The following DOK6 variants were observed in gnomAD, a reference collection of about 807,000 sequenced individuals.
DOK6 encodes docking protein 6, also known as downstream of tyrosine kinase 6.
DOK6 carries 22 observed loss-of-function variants against 44.0 expected under a neutral mutation model. The ratio of observed to expected loss-of-function variants is 0.50; its 90% CI spans 0.36 to 0.71. DOK6 has a LOEUF of 0.71. Ranked by LOEUF, DOK6 falls within the 30% of genes least tolerant of loss-of-function variation. The pLI, the probability that DOK6 is intolerant of heterozygous loss-of-function variation, is 0.00. For missense variants in DOK6, 340 were observed against 416.4 expected (o/e 0.82, Z 1.60); for synonymous variants, 166 against 145.5 (o/e 1.14, Z -1.01).
At position 69,847,618 on chromosome 18, in the gene DOK6, G is replaced by A. The variant is rs1448063823; in HGVS notation, c.*6235G>A. Reference sequence around the variant, plus strand: ...ATTTTACAGAGGGACTGAAAGCCAGGGAAAATAAAGAACAGAATGATAGTA... The same window carrying A: ...ATTTTACAGAGGGACTGAAAGCCAGAGAAAATAAAGAACAGAATGATAGTA... On this transcript the variant is annotated 3_prime_UTR_variant, in exon 8 of 8. Transcript: ENST00000382713. The A allele has an allele frequency of 2.0e-5, 3 of 151,798 alleles. No homozygotes were observed. The highest frequency in any genetic ancestry group is 2.9e-5 in the Non-Finnish European group (2 of 67,962). The allele number at this position is 151,798 out of a possible 1,614,324, so 9.4% of individuals were successfully genotyped here.
At chr18:69,497,982 C>T (rs1313373281) in intron 1 of DOK6, among the ~76,000 whole-genome samples, 1 of 138,892 alleles carries the variant, frequency 7.2e-6, no homozygotes, top group East Asian at 2.0e-4. Context: ...AGAGCTAGAC[C>T]TTGTCTCCAA....
intron 3 of DOK6, among the ~76,000 whole-genome samples, chr18:69,657,815 A>G (rs537870221): frequency 1.3e-5 from 2 of 152,328 alleles, no homozygotes; most frequent in Non-Finnish European, 2.9e-5. Flanking sequence ...GCGTTCTACC[A>G]GACCTAAGAC....
intron 3 of DOK6, chr18:69,647,683 G>C (rs1985119103): frequency 6.6e-6 from 1 of 152,172 alleles, no homozygotes; most frequent in African/African-American, 2.4e-5. Context: ...ATAAACTTTA[G>C]AGCAGAATGT....
At chr18:69,598,506 C>G (rs1983799101) in intron 2 of DOK6, among the ~76,000 whole-genome samples, 1 of 151,936 alleles carries the variant, frequency 6.6e-6, no homozygotes, top group Admixed American at 6.6e-5. Flanking sequence ...CTAGTTAATC[C>G]TGTCTTCTTT....
intron 5 of DOK6, among the ~76,000 whole-genome samples, chr18:69,727,831 A>G (rs1349461494): frequency 6.6e-6 from 1 of 152,204 alleles, no homozygotes; most frequent in Non-Finnish European, 1.5e-5. Context: ...GGAAGGGGAT[A>G]ATTATAGCTT....
Position 69,594,600 on chromosome 18 carries a change from A to AG in DOK6, c.175-4784_175-4783insG, listed in dbSNP as rs200384909. ...CCAGAGCAAACAGGCAAAAAAAAAA[A>AG]AAAGAAAGAAGAAATAAAAGGCATC... is the stretch of plus-strand genomic sequence containing the variant. On this transcript the variant is annotated intron_variant, in intron 2 of 7. Transcript: ENST00000382713. Among the ~76,000 whole-genome samples, 826 of 151,934 alleles carry AG rather than the reference A, an allele frequency of 5.4e-3. 11 individuals are homozygous for AG. Among genetic ancestry groups the AG allele is most frequent in the African/African-American group, 0.019 (790 of 41,516 alleles).
chr18:69,782,210 ATT>A (rs10712475), intron 7 of DOK6, among the ~76,000 whole-genome samples: 5,925 of 109,132 alleles, frequency 0.054, 109 homozygotes, highest in Non-Finnish European at 0.068. Context: ...GTGTTCTAAG[ATT>A]TTTTTTTTTT....
At position 69,681,144 on chromosome 18, in the gene DOK6, G is replaced by A. The variant is rs77546692; in HGVS notation, c.409+3291G>A. On this transcript the variant is annotated intron_variant, in intron 4 of 7. Transcript: ENST00000382713. ...ATGATTTTATTATTTTGCCAATAAT[G>A]TGCTTGGATAGTTTGAACTTTTTCT... Among the ~76,000 whole-genome samples, 279 of 152,248 alleles carry A rather than the reference G, an allele frequency of 1.8e-3. 3 individuals are homozygous for A. The highest frequency in any genetic ancestry group is 6.6e-3 in the African/African-American group (275 of 41,550).
intron 2 of DOK6, among the ~76,000 whole-genome samples, chr18:69,592,993 A>T (rs1983656679): frequency 6.6e-6 from 1 of 152,228 alleles, no homozygotes; most frequent in Non-Finnish European, 1.5e-5. Flanking sequence ...CAGTAAAAAA[A>T]GAAATGAAGA....
chr18:69,562,208 T>C (rs1244477406), intron 1 of DOK6, among the ~76,000 whole-genome samples: 2 of 152,176 alleles, frequency 1.3e-5, no homozygotes, highest in African/African-American at 4.8e-5. Flanking sequence ...ACAGGTCTAA[T>C]ATTAATCAGT....
intron 7 of DOK6, among the ~76,000 whole-genome samples, chr18:69,765,242 A>T (rs1421695302): frequency 1.3e-5 from 2 of 152,200 alleles, no homozygotes; most frequent in Non-Finnish European, 2.9e-5. Flanking sequence ...AGCCAATTTT[A>T]AAAAATATAG....
chr18:69,698,364 T>TC (rs1285796897), intron 4 of DOK6, 40 bp from the exon 5 acceptor site: 6 of 1,556,814 alleles, frequency 3.9e-6, no homozygotes, highest in Non-Finnish European at 5.2e-6. Flanking sequence ...CACTCACACC[T>TC]CTTTTCACTT....
intron 7 of DOK6, among the ~76,000 whole-genome samples, chr18:69,828,891 T>C (rs1374580717): frequency 1.5e-5 from 2 of 129,562 alleles, no homozygotes; most frequent in East Asian, 4.6e-4. Flanking sequence ...TGTGTATATA[T>C]ATATATATAG....
intron 1 of DOK6, 58 bp downstream of exon 1, chr18:69,401,368 C>G: frequency 7.2e-7 from 1 of 1,380,954 alleles, no homozygotes; most frequent in Admixed American, 2.6e-5. Flanking sequence ...GGCTGGCTGC[C>G]TGGGGGGGGG....
chr18:69,623,639 ACTT>A (rs1984493533), intron 3 of DOK6, among the ~76,000 whole-genome samples: 2 of 152,184 alleles, frequency 1.3e-5, no homozygotes, highest in Admixed American at 1.3e-4. Context: ...CGCTGGGCAA[ACTT>A]CTAAATTCCT....
At chr18:69,497,618 C>T (rs1240691239) in intron 1 of DOK6, among the ~76,000 whole-genome samples, 1 of 152,120 alleles carries the variant, frequency 6.6e-6, no homozygotes, top group Non-Finnish European at 1.5e-5. Flanking sequence ...ATCTTATTCC[C>T]CTGCATGGGC....
At chr18:69,804,069 T>C (rs1402109465) in intron 7 of DOK6, among the ~76,000 whole-genome samples, 1 of 152,160 alleles carries the variant, frequency 6.6e-6, no homozygotes, top group Non-Finnish European at 1.5e-5. Context: ...GAAAGAGGAT[T>C]GATTTTCCCT....
chr18:69,460,398 A>C (rs1946984), intron 1 of DOK6, among the ~76,000 whole-genome samples: 1 of 151,988 alleles, frequency 6.6e-6, no homozygotes, highest in Non-Finnish European at 1.5e-5. Flanking sequence ...TTAATACATC[A>C]ATCATATATC....
chr18:69,706,137 C>G (rs1034915981), intron 5 of DOK6, among the ~76,000 whole-genome samples: 1 of 152,140 alleles, frequency 6.6e-6, no homozygotes, highest in Non-Finnish European at 1.5e-5. Context: ...TGGCTTTATG[C>G]AGAGGAAAAA....
Sources: gnomAD v4.1 joint callset for allele counts (sites outside exome capture counted in the v4.1 genomes callset) on GRCh38, gnomAD v4.1.1 for gene constraint, MANE v1.5 for transcripts, NCBI Gene and HGNC (gene_info 2026-07-23, HGNC 2026-07-21) for gene names.